PPARGC1A: variants seen among roughly 807,000 people sequenced by gnomAD.
PPARGC1A encodes the protein PPARG coactivator 1 alpha, also known as peroxisome proliferator-activated receptor gamma coactivator 1-alpha.
PPARGC1A carries 25 observed loss-of-function variants against 88.7 expected under a neutral mutation model. That is an observed-to-expected ratio of 0.28 (90% CI 0.21 to 0.39). The LOEUF is 0.39. PPARGC1A is among the 10% of genes least tolerant of loss of function. PPARGC1A has a pLI of 1.00. For missense variants in PPARGC1A, 880 were observed against 968.7 expected (o/e 0.91, Z 1.22); for synonymous variants, 363 against 355.6 (o/e 1.02, Z -0.24).
At chr4:24,192,704 G>A in the PPARGC1A span, among the ~76,000 whole-genome samples, 20 of 152,348 alleles carry the variant, frequency 1.3e-4, no homozygotes, top group Non-Finnish European at 1.5e-5. Context: ...CATCCTTAGA[G>A]AATATTGTAA....
the PPARGC1A span, among the ~76,000 whole-genome samples, chr4:23,990,511 C>T: frequency 6.6e-6 from 1 of 151,998 alleles, no homozygotes; most frequent in Non-Finnish European, 1.5e-5. Flanking sequence ...TTGCCACATG[C>T]TTCCATGAAA....
chr4:24,024,802 C>G, the PPARGC1A span, among the ~76,000 whole-genome samples: 2 of 152,262 alleles, frequency 1.3e-5, no homozygotes, highest in Admixed American at 6.5e-5. Context: ...GGAAGCATTG[C>G]CAAATAGCTG....
the PPARGC1A span, among the ~76,000 whole-genome samples, chr4:23,973,482 TAAAG>T: frequency 2.9e-4 from 44 of 152,332 alleles, no homozygotes; most frequent in African/African-American, 1.0e-3. Flanking sequence ...ATTTGTTTCT[TAAAG>T]AGAGAGAGAG....
chr4:24,385,039 C>G, the PPARGC1A span, among the ~76,000 whole-genome samples: 1 of 152,198 alleles, frequency 6.6e-6, no homozygotes, highest in Admixed American at 6.5e-5. Context: ...AACAAACAGT[C>G]TCTCAGACCA....
chr4:23,994,219 C>G, the PPARGC1A span, among the ~76,000 whole-genome samples: 2 of 152,092 alleles, frequency 1.3e-5, no homozygotes, highest in East Asian at 1.9e-4. Context: ...TATGTAATTC[C>G]TGTGTTGTAG....
chr4:23,792,786 A>C lies in PPARGC1A; in HGVS notation c.*3036T>G, dbSNP rs1245920684. 1.3e-5 allele frequency: 2 copies of C among 152,366 alleles called. No homozygotes were observed. The highest frequency in any genetic ancestry group is 2.1e-4 in the South Asian group (1 of 4,804). 9.4% of individuals were successfully genotyped at this position (152,366 alleles called of 1,614,324 possible). A position where few individuals can be genotyped will look rare whatever the true frequency, so the allele number is the denominator to read the frequency against. On this transcript the variant is annotated 3_prime_UTR_variant, in exon 13 of 13. Coordinates refer to ENST00000264867, the MANE Select transcript of PPARGC1A (RefSeq NM_013261.5). ...GTGTTCATTTGAAATATTCTCTCCC[A>C]AAAAAATAAAAATAAAAATGAGAGG...
intron 2 of PPARGC1A, among the ~76,000 whole-genome samples, chr4:23,848,343 G>T (rs1728675152): frequency 6.6e-6 from 1 of 152,128 alleles, no homozygotes; most frequent in African/African-American, 2.4e-5. Context: ...TGACAGCATT[G>T]GTCTGAGACT....
chr4:24,058,323 G>A, the PPARGC1A span, among the ~76,000 whole-genome samples: 5 of 152,198 alleles, frequency 3.3e-5, no homozygotes, highest in Non-Finnish European at 7.3e-5. Flanking sequence ...ACAGTTCTCT[G>A]TCATTTCTGT....
chr4:24,016,230 G>A, the PPARGC1A span, among the ~76,000 whole-genome samples: 1 of 152,158 alleles, frequency 6.6e-6, no homozygotes. Context: ...ACCATTTCAA[G>A]GGCTCATGGA....
chr4:24,022,308 C>T, the PPARGC1A span, among the ~76,000 whole-genome samples: 1 of 152,018 alleles, frequency 6.6e-6, no homozygotes, highest in Non-Finnish European at 1.5e-5. Flanking sequence ...TGTGTCTGTT[C>T]TCTCCCTTCT....
At chr4:23,909,792 G>A in the PPARGC1A span, among the ~76,000 whole-genome samples, 1 of 151,690 alleles carries the variant, frequency 6.6e-6, no homozygotes, top group Non-Finnish European at 1.5e-5. Context: ...ACCTAGCTTG[G>A]CATCTAGTAG....
the PPARGC1A span, among the ~76,000 whole-genome samples, chr4:24,369,645 C>T: frequency 6.6e-6 from 1 of 152,086 alleles, no homozygotes; most frequent in South Asian, 2.1e-4. Context: ...TTTTTAAAAA[C>T]ATGAGAGCTG....
chr4:24,163,600 A>G, the PPARGC1A span, among the ~76,000 whole-genome samples: 1 of 152,220 alleles, frequency 6.6e-6, no homozygotes, highest in Non-Finnish European at 1.5e-5. Flanking sequence ...AAACCCAGTT[A>G]TTTGACTAAT....
At chr4:24,449,766 A>G in the PPARGC1A span, among the ~76,000 whole-genome samples, 1 of 152,364 alleles carries the variant, frequency 6.6e-6, no homozygotes, top group Admixed American at 6.5e-5. Context: ...ACCACTCTAT[A>G]TTAAATACCT....
chr4:24,145,886 T>C, the PPARGC1A span, among the ~76,000 whole-genome samples: 5,291 of 152,256 alleles, frequency 0.035, 311 homozygotes, highest in African/African-American at 0.12. Flanking sequence ...ATAATGTGCT[T>C]GAAACTTCCA....
At chr4:24,397,399 C>T in the PPARGC1A span, among the ~76,000 whole-genome samples, 1 of 152,186 alleles carries the variant, frequency 6.6e-6, no homozygotes, top group Non-Finnish European at 1.5e-5. Flanking sequence ...TCCCCTTCCT[C>T]TTTAGGAATA....
intron 2 of PPARGC1A, among the ~76,000 whole-genome samples, chr4:23,868,163 T>A (rs553854580): frequency 6.6e-6 from 1 of 152,252 alleles, no homozygotes; most frequent in Non-Finnish European, 1.5e-5. Context: ...ATGCTCTATG[T>A]CTTCAGTAGA....
At chr4:24,309,409 G>A in the PPARGC1A span, among the ~76,000 whole-genome samples, 1 of 152,164 alleles carries the variant, frequency 6.6e-6, no homozygotes. Flanking sequence ...AAGGGGGATA[G>A]TGTGACTGGA....
At chr4:23,978,804 T>G in the PPARGC1A span, among the ~76,000 whole-genome samples, 1 of 152,322 alleles carries the variant, frequency 6.6e-6, no homozygotes, top group Admixed American at 6.5e-5. Flanking sequence ...CATCACATCA[T>G]GTCCAAGAAG....
Sources: gnomAD v4.1 joint callset for allele counts (sites outside exome capture counted in the v4.1 genomes callset) on GRCh38, gnomAD v4.1.1 for gene constraint, MANE v1.5 for transcripts, NCBI Gene and HGNC (gene_info 2026-07-23, HGNC 2026-07-21) for gene names.